The following CCSER2 variants were observed in gnomAD, a reference collection of about 807,000 sequenced individuals.
CCSER2 encodes the protein coiled-coil serine rich protein 2, also known as serine-rich coiled-coil domain-containing protein 2.
Under a neutral mutation model 92.3 loss-of-function variants are expected in CCSER2, and 46 were observed. That is an observed-to-expected ratio of 0.50 (90% CI 0.39 to 0.64). CCSER2 has a LOEUF of 0.64. Ranked by LOEUF, CCSER2 falls within the 30% of genes least tolerant of loss-of-function variation. CCSER2 has a pLI of 0.00. For synonymous variants in CCSER2, 433 were observed against 431.4 expected, an observed-to-expected ratio of 1.00 and a Z score of -0.04; for missense variants, 1,244 against 1,238.9, an observed-to-expected ratio of 1.00 and a Z score of -0.06.
At chr10:84,486,174 T>C (rs1184251872) in intron 9 of CCSER2, among the ~76,000 whole-genome samples, 4 of 152,224 alleles carry the variant, frequency 2.6e-5, no homozygotes, top group African/African-American at 9.7e-5. Context: ...TCCAAGTCTT[T>C]GCTATTGTGA....
At chr10:84,436,325 CAAAAAAAAAAAA>C (rs1160681619) in intron 5 of CCSER2, among the ~76,000 whole-genome samples, 6 of 14,340 alleles carry the variant, frequency 4.2e-4, no homozygotes, top group East Asian at 2.9e-3. Context: ...GACTCCGTCT[CAAAAAAAAAAAA>C]AAAAAAAAAA....
rs899277065 is a variant in CCSER2 at position 84,514,328 on chromosome 10, T to C, written c.*61T>C. 1.0e-5 allele frequency: 12 copies of C among 1,191,306 alleles called. No individual in the cohort carries two copies. Among genetic ancestry groups the C allele is most frequent in the Middle Eastern group, 2.0e-4 (1 of 5,026 alleles). 73.8% of individuals were successfully genotyped at this position (1,191,306 alleles called of 1,614,324 possible). On this transcript the variant is annotated 3_prime_UTR_variant, in exon 10 of 10. Transcript: ENST00000372088. ...AACAATCTCTTCTGTAATAGCTTTATGTGCAGCTTGCAGCTTGCTACTGTG... is the reference window on the plus strand; with the variant it reads ...AACAATCTCTTCTGTAATAGCTTTACGTGCAGCTTGCAGCTTGCTACTGTG...
chr10:84,431,173 A>G (rs1326676418), intron 5 of CCSER2, among the ~76,000 whole-genome samples: 5 of 152,162 alleles, frequency 3.3e-5, no homozygotes, highest in East Asian at 1.9e-4. Context: ...TGTATATCCT[A>G]TGGGCCTTGA....
In CCSER2 at chr10:84,517,070, ACT is replaced by A. The variant is rs1460293328; in HGVS notation, c.*2806_*2807del. 5 of 152,220 alleles carry A rather than the reference ACT, an allele frequency of 3.3e-5. No individual in the cohort carries two copies. The highest frequency in any genetic ancestry group is 1.2e-4 in the African/African-American group (5 of 41,542). The allele number at this position is 152,220 out of a possible 1,614,324, so 9.4% of individuals were successfully genotyped here. A position where few individuals can be genotyped will look rare whatever the true frequency, so the allele number is the denominator to read the frequency against. On this transcript the variant is annotated 3_prime_UTR_variant, in exon 10 of 10. Transcript: ENST00000372088. ...TTATTGCTTCTATTAATGTAAATCA[ACT>A]CTGTGCCAAATCCTCCTCCACAAAC...
intron 9 of CCSER2, 72 bp from the exon 10 acceptor site, chr10:84,513,376 TA>T: frequency 1.8e-6 from 2 of 1,122,766 alleles, no homozygotes; most frequent in Non-Finnish European, 2.6e-6. Context: ...CAACACAGCC[TA>T]ATTGGTATTT....
chr10:84,374,710 A>G (rs140207779), intron 3 of CCSER2, among the ~76,000 whole-genome samples: 28 of 152,348 alleles, frequency 1.8e-4, no homozygotes, highest in Middle Eastern at 3.4e-3. Flanking sequence ...ATGGCAAGTA[A>G]TGTGGATAAT....
At chr10:84,416,885 C>T (rs10430707) in intron 3 of CCSER2, among the ~76,000 whole-genome samples, 7,233 of 152,090 alleles carry the variant, frequency 0.048, 241 homozygotes, top group East Asian at 0.16. Flanking sequence ...GAGCCGAGAT[C>T]GCGCCATTGC....
At chr10:84,456,018 G>A in intron 6 of CCSER2, 1 of 514,546 alleles carries the variant, frequency 1.9e-6, no homozygotes, top group Non-Finnish European at 3.8e-6. Context: ...CAACACCTTT[G>A]CTTCTTCTAG....
chr10:84,371,014 A>G lies in CCSER2; in HGVS notation c.-39A>G. The G allele has an allele frequency of 7.5e-7, 1 of 1,325,990 alleles. No homozygotes were observed. The highest frequency in any genetic ancestry group is 1.0e-6 in the Non-Finnish European group (1 of 970,914). The allele number at this position is 1,325,990 out of a possible 1,614,324, so 82.1% of individuals were successfully genotyped here. ...ATGTACTTCTTTTTTCTCTTCACAG[A>G]TTCTTTCAACTTTTAAGAACAAATG... On this transcript the variant is annotated splice_region_variant and 5_prime_UTR_variant, in exon 2 of 10. Transcript: ENST00000372088.
rs566427982 is a variant in CCSER2 at position 84,514,896 on chromosome 10, A to G, written c.*629A>G. On this transcript the variant is annotated 3_prime_UTR_variant, in exon 10 of 10. Transcript: ENST00000372088. ...TCATTTCCCAAATTCCCCAGACTGA[A>G]AGTGTTTCTTATTACATATAAATCA... 6.5e-6 allele frequency: 1 copy of G among 152,722 alleles called. No homozygotes were observed. Among genetic ancestry groups the G allele is most frequent in the Non-Finnish European group, 1.5e-5 (1 of 68,126 alleles). The allele number at this position is 152,722 out of a possible 1,614,324, so 9.5% of individuals were successfully genotyped here.
At chr10:84,484,902 A>G (rs958451124) in intron 9 of CCSER2, among the ~76,000 whole-genome samples, 1 of 152,212 alleles carries the variant, frequency 6.6e-6, no homozygotes. Flanking sequence ...GAAAAAACAT[A>G]ATTGTTTCTT....
intron 8 of CCSER2, among the ~76,000 whole-genome samples, chr10:84,472,681 A>T (rs1441281879): frequency 1.3e-5 from 2 of 152,222 alleles, no homozygotes; most frequent in Non-Finnish European, 2.9e-5. Flanking sequence ...AGATTTATGT[A>T]AAAGGTCACT....
Position 84,361,867 on chromosome 10 carries a change from C to T in CCSER2, c.-39-9147C>T, listed in dbSNP as rs183917725. On this transcript the variant is annotated intron_variant, in intron 1 of 9. Transcript: ENST00000372088. ...ATTGGTCAGGCTGGTCTTGAACTCC[C>T]GACCTCAGGTGATCCGCCCACCTCG... Among the ~76,000 whole-genome samples the T allele has an allele frequency of 4.7e-3, 718 of 152,112 alleles. 3 individuals are homozygous for T. The highest frequency in any genetic ancestry group is 0.01 in the Middle Eastern group (3 of 294).
intron 8 of CCSER2, among the ~76,000 whole-genome samples, chr10:84,471,059 G>A (rs544944071): frequency 1.0e-3 from 153 of 152,042 alleles, no homozygotes; most frequent in African/African-American, 3.7e-3. Flanking sequence ...GAAAATAATG[G>A]CCTAAAAATC....
At chr10:84,367,627 C>T (rs1270766660) in intron 1 of CCSER2, among the ~76,000 whole-genome samples, 4 of 152,022 alleles carry the variant, frequency 2.6e-5, no homozygotes, top group Admixed American at 1.3e-4. Context: ...GATCAACCCA[C>T]CTTAGCCTCC....
intron 3 of CCSER2, among the ~76,000 whole-genome samples, chr10:84,394,476 G>C (rs1000715344): frequency 6.6e-6 from 1 of 150,798 alleles, no homozygotes; most frequent in African/African-American, 2.4e-5. Context: ...GTTGAGTGTT[G>C]AAGAATGAAT....
intron 1 of CCSER2, among the ~76,000 whole-genome samples, chr10:84,340,784 G>A (rs1844133336): frequency 6.6e-6 from 1 of 151,934 alleles, no homozygotes; most frequent in South Asian, 2.1e-4. Context: ...TTTCTCTGTA[G>A]TATCTGTAGG....
intron 5 of CCSER2, among the ~76,000 whole-genome samples, chr10:84,430,017 C>T (rs926447210): frequency 2.6e-5 from 4 of 151,816 alleles, no homozygotes; most frequent in Admixed American, 6.6e-5. Flanking sequence ...AAATATTTGA[C>T]GTCTTTGCTT....
chr10:84,491,534 C>T (rs1000962521), intron 9 of CCSER2, among the ~76,000 whole-genome samples: 2 of 152,130 alleles, frequency 1.3e-5, no homozygotes, highest in Non-Finnish European at 2.9e-5. Context: ...TGGGACCCTC[C>T]GAGCCAGGCA....
Sources: gnomAD v4.1 joint callset for allele counts (sites outside exome capture counted in the v4.1 genomes callset) on GRCh38, gnomAD v4.1.1 for gene constraint, MANE v1.5 for transcripts, NCBI Gene and HGNC (gene_info 2026-07-23, HGNC 2026-07-21) for gene names.